Variants in RPS6KA2 observed in about 807,000 individuals in gnomAD.
RPS6KA2 encodes ribosomal protein S6 kinase alpha-2.
In RPS6KA2, 42 loss-of-function variants were observed where a neutral mutation model predicts 91.8. That is an observed-to-expected ratio of 0.46 (90% CI 0.36 to 0.59). RPS6KA2 has a LOEUF of 0.59. Among genes scored for constraint, RPS6KA2 ranks in the 20% least tolerant of loss-of-function variants. RPS6KA2 has a pLI of 0.00. For synonymous variants in RPS6KA2, 414 were observed against 393.6 expected, an observed-to-expected ratio of 1.05 and a Z score of -0.61; for missense variants, 798 against 978.5, an observed-to-expected ratio of 0.82 and a Z score of 2.46.
At chr6:166,687,646 C>T (rs1244412438) in intron 2 of RPS6KA2, among the ~76,000 whole-genome samples, 2 of 152,194 alleles carry the variant, frequency 1.3e-5, no homozygotes, top group African/African-American at 4.8e-5. Flanking sequence ...GGAATCCAGT[C>T]ATTTTAATTT....
intron 2 of RPS6KA2, among the ~76,000 whole-genome samples, chr6:166,532,946 G>A (rs925599262): frequency 6.6e-6 from 1 of 152,162 alleles, no homozygotes; most frequent in African/African-American, 2.4e-5. Flanking sequence ...ACTGTGGTGG[G>A]AGACACAGGC....
chr6:166,623,848 G>T (rs2128541921), intron 1 of RPS6KA2, among the ~76,000 whole-genome samples: 1 of 152,256 alleles, frequency 6.6e-6, no homozygotes, highest in East Asian at 1.9e-4. Context: ...ATCTCACTTG[G>T]TTCTATGCTG....
intron 3 of RPS6KA2, among the ~76,000 whole-genome samples, chr6:166,527,197 G>A (rs3799649): frequency 0.2 from 29,675 of 152,122 alleles, 3,077 homozygotes; most frequent in South Asian, 0.26. Context: ...GAGCAGAGCA[G>A]GCAGGCACAG....
rs946858075 is a variant in RPS6KA2, at chr6:166,500,072, C to A, written c.604+815G>T. 7.9e-5 allele frequency among the ~76,000 whole-genome samples: 12 copies of A among 152,324 alleles called. No individual in the cohort carries two copies. The highest frequency in any genetic ancestry group is 6.8e-3 in the Middle Eastern group (2 of 294). The stretch of plus-strand genomic sequence containing the variant: ...GGAAGATGCTGCCTGCTGGCTTCCA[C>A]CATGGGGGACGCAGCCCAGCCAAGG... On this transcript the variant is annotated intron_variant, in intron 7 of 20. Transcript: ENST00000265678. This position sits in a 1 kb window ranked among gnomAD's most constrained non-coding sequence, Gnocchi z 4.3.
chr6:166,422,916 G>A (rs566521027), intron 17 of RPS6KA2, among the ~76,000 whole-genome samples: 12 of 152,294 alleles, frequency 7.9e-5, no homozygotes, highest in Middle Eastern at 3.4e-3. Flanking sequence ...GCAGCTCTGC[G>A]TCCTGGTTGT....
At chr6:166,807,952 G>A (rs1387833484) in intron 2 of RPS6KA2, among the ~76,000 whole-genome samples, 1 of 151,982 alleles carries the variant, frequency 6.6e-6, no homozygotes, top group East Asian at 1.9e-4. Flanking sequence ...AGCCCTGGGA[G>A]TGCAGAGCTC....
At chr6:166,747,324 G>A (rs1316629856) in intron 2 of RPS6KA2, among the ~76,000 whole-genome samples, 5 of 152,170 alleles carry the variant, frequency 3.3e-5, no homozygotes, top group Non-Finnish European at 7.3e-5. Context: ...TCAGGAAATG[G>A]GAAGAAAGAG....
At chr6:166,790,523 A>G (rs1339653765) in intron 2 of RPS6KA2, among the ~76,000 whole-genome samples, 1 of 152,030 alleles carries the variant, frequency 6.6e-6, no homozygotes, top group East Asian at 1.9e-4. Flanking sequence ...TGCCACAAAG[A>G]TACTCCTCGA....
At chr6:166,725,993 G>T (rs7751378) in intron 2 of RPS6KA2, among the ~76,000 whole-genome samples, 1 of 152,196 alleles carries the variant, frequency 6.6e-6, no homozygotes, top group Non-Finnish European at 1.5e-5. Context: ...AAACAGCCAC[G>T]CCCCAGAAGC....
At chr6:166,731,735 G>T (rs1038698632) in intron 2 of RPS6KA2, among the ~76,000 whole-genome samples, 1 of 151,840 alleles carries the variant, frequency 6.6e-6, no homozygotes, top group African/African-American at 2.4e-5. Flanking sequence ...TGTAATCTGC[G>T]ACCAGATGTA....
rs561325812 is a variant in RPS6KA2 at position 166,791,817 on chromosome 6, C to T, written c.123+66383G>A. 1.0e-3 allele frequency among the ~76,000 whole-genome samples: 154 copies of T among 149,488 alleles called. 3 individuals carry two copies. Among genetic ancestry groups the T allele is most frequent in the African/African-American group, 3.3e-3 (128 of 38,938 alleles). ...AAATAAAGATGTTCTCTGAAACCAA[C>T]GAGAACAAAGACACAACATACCAGA... On this transcript the variant is annotated intron_variant, in intron 2 of 21. Coordinates refer to the RPS6KA2 transcript ENST00000503859.
intron 2 of RPS6KA2, among the ~76,000 whole-genome samples, chr6:166,642,749 G>A (rs1787483222): frequency 6.7e-6 from 1 of 148,824 alleles, no homozygotes; most frequent in Non-Finnish European, 1.5e-5. Context: ...GGAAAAAGCA[G>A]GATAAGTAAA....
At chr6:166,715,370 T>G (rs975849547) in intron 2 of RPS6KA2, among the ~76,000 whole-genome samples, 2 of 152,186 alleles carry the variant, frequency 1.3e-5, no homozygotes, top group Non-Finnish European at 2.9e-5. Flanking sequence ...CAGCTGCCTC[T>G]TAAAAAGGAG....
intron 2 of RPS6KA2, among the ~76,000 whole-genome samples, chr6:166,721,668 T>C (rs6917154): frequency 0.9 from 137,453 of 152,290 alleles, 62,160 homozygotes; most frequent in East Asian, 0.96. Flanking sequence ...TAAGACCGAG[T>C]CTCGGGGACG....
At position 166,423,211 on chromosome 6, in the gene RPS6KA2, CTT is replaced by C. The variant is rs1277681209; in HGVS notation, c.1743+43_1743+44del. The C allele has an allele frequency of 1.3e-6, 2 of 1,570,078 alleles. No individual in the cohort carries two copies. Among genetic ancestry groups the C allele is most frequent in the East Asian group, 4.5e-5 (2 of 44,006 alleles). ...TGCAGTGGGAGGGGGCAGAGCCTGT[CTT>C]TGCGGATAGAGAGGCCTGGGTCTGC... On this transcript the variant is annotated intron_variant, in intron 17 of 20. Coordinates refer to ENST00000265678, the MANE Select transcript of RPS6KA2 (RefSeq NM_021135.6). This position sits in a 1 kb window ranked among gnomAD's most constrained non-coding sequence, Gnocchi z 4.8.
chr6:166,524,367 A>C (rs1318418072), intron 3 of RPS6KA2, among the ~76,000 whole-genome samples: 2 of 152,014 alleles, frequency 1.3e-5, no homozygotes, highest in Non-Finnish European at 2.9e-5. Flanking sequence ...CTCATTCGAC[A>C]CTGCGGAGAG....
At chr6:166,532,317 C>T (rs186717521) in intron 2 of RPS6KA2, among the ~76,000 whole-genome samples, 9 of 152,358 alleles carry the variant, frequency 5.9e-5, no homozygotes, top group East Asian at 5.8e-4. Flanking sequence ...TTGGCTCCCC[C>T]CCAAGACTGG....
At chr6:166,814,121 A>C (rs1162312225) in intron 2 of RPS6KA2, among the ~76,000 whole-genome samples, 2 of 152,248 alleles carry the variant, frequency 1.3e-5, no homozygotes, top group Non-Finnish European at 2.9e-5. Flanking sequence ...TTTTATGCCT[A>C]AATTTTTATT....
At chr6:166,672,504 G>C (rs1337741152) in intron 2 of RPS6KA2, among the ~76,000 whole-genome samples, 2 of 152,198 alleles carry the variant, frequency 1.3e-5, no homozygotes, top group Non-Finnish European at 2.9e-5. Flanking sequence ...GGGTGCCATG[G>C]AGGCAGAGTA....
Sources: allele counts gnomAD v4.1 joint callset (sites outside exome capture counted in the v4.1 genomes callset), GRCh38; gene constraint gnomAD v4.1.1; non-coding constraint Gnocchi (gnomAD v3.1); transcripts MANE v1.5; gene names NCBI Gene and HGNC (gene_info 2026-07-23, HGNC 2026-07-21).